CTDSPL: variants seen among roughly 807,000 people sequenced by gnomAD.
CTDSPL encodes CTD small phosphatase like, also known as CTD small phosphatase-like protein.
In CTDSPL, 8 loss-of-function variants were observed where a neutral mutation model predicts 30.5. That is an observed-to-expected ratio of 0.26 (90% CI 0.15 to 0.47). The LOEUF (loss-of-function observed/expected upper bound fraction) is 0.47, where lower values mean the gene tolerates loss of function less well. Ranked by LOEUF, CTDSPL falls within the 20% of genes least tolerant of loss-of-function variation. The probability of loss-of-function intolerance (pLI) is 0.99; values close to 1 mark genes in which losing one functional copy is unlikely to be tolerated. For synonymous variants in CTDSPL, 110 were observed against 137.9 expected, an observed-to-expected ratio of 0.80 and a Z score of 1.42; for missense variants, 248 against 366.1, an observed-to-expected ratio of 0.68 and a Z score of 2.63.
intron 3 of CTDSPL, among the ~76,000 whole-genome samples, chr3:37,958,768 A>G (rs1181435944): frequency 6.6e-6 from 1 of 152,206 alleles, no homozygotes; most frequent in Non-Finnish European, 1.5e-5. Context: ...TGAACCTATG[A>G]ACTATCTTGC....
intron 1 of CTDSPL, among the ~76,000 whole-genome samples, chr3:37,920,319 T>C (rs1698699085): frequency 6.6e-6 from 1 of 152,222 alleles, no homozygotes; most frequent in South Asian, 2.1e-4. Flanking sequence ...TGCCCTGGTG[T>C]GCACCAGGTC....
chr3:37,917,187 G>A (rs1351460340), intron 1 of CTDSPL, among the ~76,000 whole-genome samples: 1 of 152,186 alleles, frequency 6.6e-6, no homozygotes, highest in Non-Finnish European at 1.5e-5. Flanking sequence ...CTGGGTAAGG[G>A]TGGGAGCACA....
chr3:37,952,144 T>A (rs1014125930), intron 2 of CTDSPL, among the ~76,000 whole-genome samples: 1 of 151,452 alleles, frequency 6.6e-6, no homozygotes, highest in Non-Finnish European at 1.5e-5. Context: ...TCCACTGCCC[T>A]CCAGCCTGGG....
At chr3:37,957,608 G>A (rs553940515) in intron 3 of CTDSPL, among the ~76,000 whole-genome samples, 86 of 152,324 alleles carry the variant, frequency 5.6e-4, no homozygotes, top group African/African-American at 2.0e-3. Context: ...ATCAGTGGTA[G>A]CATGGCTGTA....
chr3:37,937,894 T>G (rs1219834099), intron 1 of CTDSPL, among the ~76,000 whole-genome samples: 1 of 150,442 alleles, frequency 6.6e-6, no homozygotes, highest in Non-Finnish European at 1.5e-5. Context: ...TTGTCAGTGT[T>G]AAGTCAGTTT....
chr3:37,874,828 G>A (rs114408949), intron 1 of CTDSPL, among the ~76,000 whole-genome samples: 1,598 of 152,248 alleles, frequency 0.01, 32 homozygotes, highest in South Asian at 0.077. Context: ...GGTGCCAAGG[G>A]AAGCAGCATC....
intron 3 of CTDSPL, among the ~76,000 whole-genome samples, chr3:37,964,280 A>G (rs902532219): frequency 2.0e-5 from 3 of 152,188 alleles, no homozygotes; most frequent in African/African-American, 7.2e-5. Flanking sequence ...ACTGATAACA[A>G]CAACCTTTCA....
rs990282425 is a variant in CTDSPL at position 37,967,806 on chromosome 3, A to G, written c.370-20A>G. On this transcript the variant is annotated intron_variant, in intron 4 of 7. Transcript: ENST00000273179. ...TTTTGTTCCTTCAGACATATTAATT[A>G]TAGTCTCTTTTTTCTCTAGCCTATT... The G allele has an allele frequency of 5.2e-6, 8 of 1,546,106 alleles. No individual in the cohort carries two copies. The East Asian group carries it at 1.4e-4, about 26-fold the overall frequency.
chr3:37,891,428 C>A (rs577385443), intron 1 of CTDSPL, among the ~76,000 whole-genome samples: 1 of 152,202 alleles, frequency 6.6e-6, no homozygotes, highest in Non-Finnish European at 1.5e-5. Context: ...TCTACTCCTA[C>A]GCACAGGTGT....
chr3:37,891,261 C>T (rs974653367), intron 1 of CTDSPL, among the ~76,000 whole-genome samples: 6 of 152,180 alleles, frequency 3.9e-5, no homozygotes, highest in Admixed American at 3.9e-4. Flanking sequence ...TGGGATCTAC[C>T]CCAAACCAGA....
At chr3:37,939,955 G>A (rs1169566562) in intron 1 of CTDSPL, among the ~76,000 whole-genome samples, 1 of 150,198 alleles carries the variant, frequency 6.7e-6, no homozygotes, top group East Asian at 2.0e-4. Flanking sequence ...AGCCGGGCTT[G>A]GTGGCAGGCG....
At chr3:37,923,887 A>G (rs893558041) in intron 1 of CTDSPL, among the ~76,000 whole-genome samples, 1 of 152,160 alleles carries the variant, frequency 6.6e-6, no homozygotes, top group African/African-American at 2.4e-5. Context: ...CCATGATAGC[A>G]GGAAGGGAAC....
intron 1 of CTDSPL, among the ~76,000 whole-genome samples, chr3:37,938,826 G>A (rs1442204080): frequency 1.3e-5 from 2 of 149,128 alleles, no homozygotes; most frequent in African/African-American, 4.9e-5. Context: ...GACTACAGAT[G>A]CATGCCACCA....
chr3:37,983,001 C>T lies in CTDSPL; in HGVS notation c.*2134C>T, dbSNP rs77923385. The T allele has an allele frequency of 0.021, 4,523 of 215,104 alleles. 129 individuals are homozygous for T. The highest frequency in any genetic ancestry group is 0.067 in the African/African-American group (2,888 of 43,348). The allele number at this position is 215,104 out of a possible 1,614,324, so 13.3% of individuals were successfully genotyped here. ...AAATCATAAAATATTTCATGGGAATCGAACCTAGGGATAGTGCTCCACTTC... is the reference window on the plus strand; with the variant it reads ...AAATCATAAAATATTTCATGGGAATTGAACCTAGGGATAGTGCTCCACTTC... On this transcript the variant is annotated 3_prime_UTR_variant, in exon 8 of 8. Coordinates refer to ENST00000273179, the MANE Select transcript of CTDSPL (RefSeq NM_001008392.2).
At chr3:37,973,418 G>A (rs569867926) in intron 6 of CTDSPL, among the ~76,000 whole-genome samples, 1 of 152,206 alleles carries the variant, frequency 6.6e-6, no homozygotes, top group African/African-American at 2.4e-5. Context: ...TCCTTGTTCG[G>A]TTACTCTTCC....
chr3:37,910,510 C>CA (rs201405013), intron 1 of CTDSPL, among the ~76,000 whole-genome samples: 185 of 151,436 alleles, frequency 1.2e-3, no homozygotes, highest in African/African-American at 4.1e-3. Flanking sequence ...AAACAAAAAA[C>CA]AAAAAAAACC....
chr3:37,926,489 T>C (rs934655916), intron 1 of CTDSPL, among the ~76,000 whole-genome samples: 1 of 152,256 alleles, frequency 6.6e-6, no homozygotes, highest in Non-Finnish European at 1.5e-5. Flanking sequence ...TTGAGGACTC[T>C]TGAGGCATTC....
rs1255434791 is a variant in CTDSPL, at chr3:37,981,812, T to C, written c.*945T>C. The C allele has an allele frequency of 4.4e-6, 2 of 457,040 alleles. No individual in the cohort carries two copies. The highest frequency in any genetic ancestry group is 1.5e-5 in the South Asian group (1 of 64,564). The allele number at this position is 457,040 out of a possible 1,614,324, so 28.3% of individuals were successfully genotyped here. A position where few individuals can be genotyped will look rare whatever the true frequency, so the allele number is the denominator to read the frequency against. ...ATCTGTTTATTGATTTTTAAATCTT[T>C]CCTTTCCAAAAGCTGGATACACATG... On this transcript the variant is annotated 3_prime_UTR_variant, in exon 8 of 8. Coordinates refer to ENST00000273179, the MANE Select transcript of CTDSPL (RefSeq NM_001008392.2).
intron 1 of CTDSPL, among the ~76,000 whole-genome samples, chr3:37,930,062 G>A (rs943747631): frequency 5.3e-5 from 8 of 149,680 alleles, no homozygotes; most frequent in Non-Finnish European, 1.0e-4. Flanking sequence ...AGCTGAGATC[G>A]CACCACTGCA....
Sources: gnomAD v4.1 joint callset for allele counts (sites outside exome capture counted in the v4.1 genomes callset) on GRCh38, gnomAD v4.1.1 for gene constraint, MANE v1.5 for transcripts, NCBI Gene and HGNC (gene_info 2026-07-23, HGNC 2026-07-21) for gene names.